GSK3B: variants seen among roughly 807,000 people sequenced by gnomAD.
GSK3B encodes glycogen synthase kinase-3 beta.
Under a neutral mutation model 56.4 loss-of-function variants are expected in GSK3B, and 15 were observed. The ratio of observed to expected loss-of-function variants is 0.27; its 90% CI spans 0.18 to 0.41. GSK3B has a LOEUF of 0.41. Ranked by LOEUF, GSK3B falls within the 10% of genes least tolerant of loss-of-function variation. GSK3B has a pLI of 1.00. For missense variants in GSK3B, 300 were observed against 513.4 expected (o/e 0.58, Z 4.02); for synonymous variants, 181 against 188.9 (o/e 0.96, Z 0.34).
intron 2 of GSK3B, among the ~76,000 whole-genome samples, chr3:119,978,580 C>T (rs974345189): frequency 4.6e-5 from 7 of 152,320 alleles, no homozygotes; most frequent in Admixed American, 2.6e-4. Flanking sequence ...TGGGCAACAG[C>T]AGCTCATCTT....
intron 7 of GSK3B, among the ~76,000 whole-genome samples, chr3:119,894,641 T>C (rs1188208937): frequency 4.6e-5 from 7 of 152,148 alleles, no homozygotes; most frequent in Non-Finnish European, 1.5e-5. Flanking sequence ...CCTTACATAC[T>C]GTAGATACAA....
At chr3:119,876,659 T>C (rs2056317878) in intron 7 of GSK3B, 151 bp from the exon 8 acceptor site, 2 of 604,236 alleles carry the variant, frequency 3.3e-6, no homozygotes, top group Non-Finnish European at 5.9e-6. Context: ...GATTTGAATA[T>C]GTCCCCCAAA....
intron 10 of GSK3B, among the ~76,000 whole-genome samples, chr3:119,836,745 G>A (rs2055696575): frequency 6.6e-6 from 1 of 152,170 alleles, no homozygotes; most frequent in Non-Finnish European, 1.5e-5. Flanking sequence ...CAGTCACGAA[G>A]AGGAATGACC....
chr3:120,018,926 G>A (rs2057849537), intron 1 of GSK3B, among the ~76,000 whole-genome samples: 1 of 152,040 alleles, frequency 6.6e-6, no homozygotes, highest in South Asian at 2.1e-4. Context: ...CTAACAACAG[G>A]TGCTACTTTT....
intron 1 of GSK3B, among the ~76,000 whole-genome samples, chr3:120,022,198 A>G (rs867689961): frequency 2.6e-5 from 4 of 152,242 alleles, no homozygotes; most frequent in Non-Finnish European, 4.4e-5. Context: ...TAATCAGTCA[A>G]TAGCCATCAA....
At chr3:120,021,131 C>T (rs2057873175) in intron 1 of GSK3B, among the ~76,000 whole-genome samples, 1 of 152,136 alleles carries the variant, frequency 6.6e-6, no homozygotes, top group Admixed American at 6.5e-5. Flanking sequence ...GATTTAGAAG[C>T]TGTAGCAAGT....
rs1412306121 is a variant in GSK3B at position 119,824,966 on chromosome 3, T to A, written c.*1822A>T. 1 of 182,324 alleles carries A rather than the reference T, an allele frequency of 5.5e-6. No homozygotes were observed. The highest frequency in any genetic ancestry group is 1.2e-5 in the Non-Finnish European group (1 of 85,666). The allele number at this position is 182,324 out of a possible 1,614,324, so 11.3% of individuals were successfully genotyped here. Reference sequence around the variant, plus strand: ...CAACAGACTCCACTTCCGAACCCTCTGGAGGACGAGACCCATAAAGTGACC... The same window carrying A: ...CAACAGACTCCACTTCCGAACCCTCAGGAGGACGAGACCCATAAAGTGACC... On this transcript the variant is annotated 3_prime_UTR_variant, in exon 11 of 11. Coordinates refer to ENST00000264235, the MANE Select transcript of GSK3B (RefSeq NM_001146156.2).
chr3:120,093,527 AT>A lies in GSK3B; in HGVS notation c.-94del. On this transcript the variant is annotated 5_prime_UTR_variant, in exon 1 of 11. The change creates a new upstream start codon in the 5' untranslated region. Coordinates refer to ENST00000264235, the MANE Select transcript of GSK3B (RefSeq NM_001146156.2). Reference sequence around the variant, plus strand: ...GTGTTAGGTTAACGATAAATGCAGCATTAAGTTCTCCCACAGAAGAAAAAGA... The same window carrying A: ...GTGTTAGGTTAACGATAAATGCAGCATAAGTTCTCCCACAGAAGAAAAAGA... 1 of 791,780 alleles carries A rather than the reference AT, an allele frequency of 1.3e-6. No individual in the cohort carries two copies. Among genetic ancestry groups the A allele is most frequent in the East Asian group, 2.5e-5 (1 of 40,686 alleles). The allele number at this position is 791,780 out of a possible 1,614,324, so 49.0% of individuals were successfully genotyped here. A position where few individuals can be genotyped will look rare whatever the true frequency, so the allele number is the denominator to read the frequency against.
At chr3:119,977,887 T>C (rs2057422416) in intron 2 of GSK3B, among the ~76,000 whole-genome samples, 1 of 152,228 alleles carries the variant, frequency 6.6e-6, no homozygotes, top group Non-Finnish European at 1.5e-5. Context: ...CATAAAACTT[T>C]GTTCCATTTG....
Position 119,842,336 on chromosome 3 carries a change from G to A in GSK3B, c.1195+919C>T, listed in dbSNP as rs190141430. 4.9e-4 allele frequency among the ~76,000 whole-genome samples: 74 copies of A among 152,104 alleles called. 1 individual carries two copies. Among genetic ancestry groups the A allele is most frequent in the Admixed American group, 9.8e-4 (15 of 15,286 alleles). On this transcript the variant is annotated intron_variant, in intron 10 of 10. Transcript: ENST00000264235. Reference sequence around the variant, plus strand: ...TGAATAATTTTTTTTTGGTATATAAGAGTCTTGTCACATTCTGATCTAAAT... The same window carrying A: ...TGAATAATTTTTTTTTGGTATATAAAAGTCTTGTCACATTCTGATCTAAAT...
intron 1 of GSK3B, among the ~76,000 whole-genome samples, chr3:120,082,561 A>G (rs2058429747): frequency 6.6e-6 from 1 of 151,732 alleles, no homozygotes; most frequent in Admixed American, 6.6e-5. Flanking sequence ...ACGCCCAGCT[A>G]ATTTTCGTAT....
At chr3:119,928,612 T>TAAAAAAAAAAAAAAAAAAAAAAAAAAAA (rs1160252679) in intron 3 of GSK3B, among the ~76,000 whole-genome samples, 2 of 67,034 alleles carry the variant, frequency 3.0e-5, no homozygotes, top group African/African-American at 9.4e-5. Context: ...ATCAAAAAAA[T>TAAAAAAAAAAAAAAAAAAAAAAAAAAAA]AAAAAAAAAA....
At chr3:120,048,242 T>C (rs1452878606) in intron 1 of GSK3B, among the ~76,000 whole-genome samples, 2 of 152,154 alleles carry the variant, frequency 1.3e-5, no homozygotes, top group African/African-American at 4.8e-5. Context: ...ATAATAAATA[T>C]AGAATGTGAT....
chr3:120,026,554 A>ACACACAAAC lies in GSK3B; in HGVS notation c.89-24316_89-24315insGTTTGTGTG, dbSNP rs1559881737. ...ACACACACACACACACACACACACA[A>ACACACAAAC]ACACACACACACTCTTTTTTTTTTT... On this transcript the variant is annotated intron_variant, in intron 1 of 10. Transcript: ENST00000264235. 9.0e-4 allele frequency among the ~76,000 whole-genome samples: 58 copies of ACACACAAAC among 64,404 alleles called. No individual in the cohort carries two copies. The East Asian group carries it at 0.016, about 17-fold the overall frequency. The allele number at this position is 64,404 out of a possible 152,430, so 42.3% of individuals were successfully genotyped here.
At chr3:120,003,307 T>C (rs1426144375) in intron 1 of GSK3B, among the ~76,000 whole-genome samples, 4 of 152,208 alleles carry the variant, frequency 2.6e-5, no homozygotes, top group Non-Finnish European at 5.9e-5. Flanking sequence ...TAGTCCACAG[T>C]CACCATCTTG....
At chr3:120,078,545 C>CTTTTTT (rs66489313) in intron 1 of GSK3B, among the ~76,000 whole-genome samples, 6 of 140,662 alleles carry the variant, frequency 4.3e-5, no homozygotes, top group Non-Finnish European at 4.6e-5. Context: ...AACTTCTCCT[C>CTTTTTT]TTTTTTTTTT....
At chr3:119,851,330 C>CCAA (rs376297613) in intron 9 of GSK3B, among the ~76,000 whole-genome samples, 28 of 152,216 alleles carry the variant, frequency 1.8e-4, no homozygotes, top group African/African-American at 6.7e-4. Flanking sequence ...GCAGTCTTTT[C>CCAA]CAATGGAAAA....
chr3:119,949,814 A>AG (rs1454034402), intron 2 of GSK3B, among the ~76,000 whole-genome samples: 8 of 150,082 alleles, frequency 5.3e-5, no homozygotes, highest in African/African-American at 2.0e-4. Flanking sequence ...AAAAAAAAAA[A>AG]GCATTCTAAA....
Position 120,094,384 on chromosome 3 carries a change from G to T in GSK3B, c.-950C>A. ...CCTTCCTTCCTTTGTCACTTGGCCC[G>T]GGCGGCGGCGGCGGCGGCGGCGGCA... On this transcript the variant is annotated 5_prime_UTR_variant, in exon 1 of 11. Coordinates refer to ENST00000264235, the MANE Select transcript of GSK3B (RefSeq NM_001146156.2). 3.2e-6 allele frequency: 1 copy of T among 311,068 alleles called. No individual in the cohort carries two copies. Among genetic ancestry groups the T allele is most frequent in the Admixed American group, 5.2e-5 (1 of 19,048 alleles). The allele number at this position is 311,068 out of a possible 1,614,324, so 19.3% of individuals were successfully genotyped here.
Sources: allele counts gnomAD v4.1 joint callset (sites outside exome capture counted in the v4.1 genomes callset), GRCh38; gene constraint gnomAD v4.1.1; transcripts MANE v1.5; gene names NCBI Gene and HGNC (gene_info 2026-07-23, HGNC 2026-07-21).